CMIP: variants seen among roughly 807,000 people sequenced by gnomAD.
CMIP encodes c-Maf inducing protein.
In CMIP, 13 loss-of-function variants were observed where a neutral mutation model predicts 97.3. The observed-to-expected ratio is 0.13, with a 90% CI of 0.09 to 0.21. The LOEUF (loss-of-function observed/expected upper bound fraction) is 0.21. Ranked by LOEUF, CMIP falls within the 10% of genes least tolerant of loss-of-function variation. The probability of loss-of-function intolerance (pLI) is 1.00; values close to 1 mark genes in which losing one functional copy is unlikely to be tolerated. For missense variants in CMIP, 847 were observed against 1,024.9 expected (o/e 0.83, Z 2.37); for synonymous variants, 538 against 436.3 (o/e 1.23, Z -2.91).
At chr16:81,701,014 A>G (rs1217447174) in intron 15 of CMIP, among the ~76,000 whole-genome samples, 1 of 152,000 alleles carries the variant, frequency 6.6e-6, no homozygotes, top group East Asian at 1.9e-4. Context: ...ACTGAGCACC[A>G]TGGCATGCAC....
chr16:81,665,214 G>A (rs1423057959), intron 7 of CMIP: 2 of 152,046 alleles, frequency 1.3e-5, no homozygotes, highest in African/African-American at 4.8e-5. Context: ...TGTAATCTGT[G>A]TGGCCCCTTG....
intron 13 of CMIP, among the ~76,000 whole-genome samples, chr16:81,694,640 AG>A (rs1906491584): frequency 6.6e-6 from 1 of 152,214 alleles, no homozygotes. Context: ...CTTGTTCAAA[AG>A]GCAGACCCCC....
At chr16:81,645,504 A>G in intron 3 of CMIP, 2 of 1,535,684 alleles carry the variant, frequency 1.3e-6, no homozygotes, top group Non-Finnish European at 8.7e-7. Context: ...TCTCCCGTGG[A>G]GGAGCAACAG....
At chr16:81,600,890 C>G (rs988557581) in intron 1 of CMIP, among the ~76,000 whole-genome samples, 10 of 152,220 alleles carry the variant, frequency 6.6e-5, no homozygotes, top group African/African-American at 2.2e-4. Context: ...TTGCTGTTGA[C>G]TGTCTAAGCA....
chr16:81,677,143 C>T lies in CMIP; in HGVS notation c.1035-1132C>T, dbSNP rs561860628. ...GGAGAGCTTTGGTTTAGGAGGAGTT[C>T]GAGGGTAGGAAGGGCAAGAGTAGCA... On this transcript the variant is annotated intron_variant, in intron 9 of 20. Transcript: ENST00000537098. Among the ~76,000 whole-genome samples, 24 of 151,990 alleles carry T rather than the reference C, an allele frequency of 1.6e-4. No individual in the cohort carries two copies. The South Asian group carries it at 3.1e-3, about 20-fold the overall frequency.
intron 1 of CMIP, among the ~76,000 whole-genome samples, chr16:81,484,443 C>T (rs577145954): frequency 1.2e-4 from 18 of 152,244 alleles, no homozygotes; most frequent in South Asian, 1.0e-3. Context: ...GGGCGCCGAA[C>T]GCAGGGTGTT....
chr16:81,456,954 C>T (rs1207692440), intron 1 of CMIP, among the ~76,000 whole-genome samples: 1 of 152,154 alleles, frequency 6.6e-6, no homozygotes. Context: ...CTCACCTGCC[C>T]TCGTTGAACC....
intron 1 of CMIP, among the ~76,000 whole-genome samples, chr16:81,562,790 C>G (rs564882691): frequency 6.6e-6 from 1 of 152,060 alleles, no homozygotes; most frequent in Non-Finnish European, 1.5e-5. Flanking sequence ...TATTTTTTTT[C>G]ATTTTTCAAA....
chr16:81,580,452 G>T (rs1411695641), intron 1 of CMIP, among the ~76,000 whole-genome samples: 1 of 151,012 alleles, frequency 6.6e-6, no homozygotes, highest in East Asian at 2.0e-4. Context: ...TTTTATTTTT[G>T]AAATGGAGTC....
intron 2 of CMIP, chr16:81,618,777 C>G (rs1436338199): frequency 6.6e-6 from 1 of 152,290 alleles, no homozygotes; most frequent in African/African-American, 2.4e-5. Flanking sequence ...CAGCACAGAC[C>G]TGGCCGTGGC....
chr16:81,543,759 T>G (rs1283542923), intron 1 of CMIP, among the ~76,000 whole-genome samples: 1 of 152,226 alleles, frequency 6.6e-6, no homozygotes, highest in Non-Finnish European at 1.5e-5. Flanking sequence ...AGAGAAATTT[T>G]TATTTGGCTC....
At chr16:81,464,191 G>C (rs1306099519) in intron 1 of CMIP, 2 of 152,302 alleles carry the variant, frequency 1.3e-5, no homozygotes, top group African/African-American at 4.8e-5. Context: ...GGTGAGAAAA[G>C]GAGTCTCCCA....
intron 13 of CMIP, among the ~76,000 whole-genome samples, chr16:81,694,507 T>G (rs941285397): frequency 4.6e-5 from 7 of 152,206 alleles, no homozygotes; most frequent in Non-Finnish European, 1.0e-4. Context: ...TGAGGACACA[T>G]GGACACCAAG....
chr16:81,711,613 A>G lies in CMIP; in HGVS notation c.*1814A>G, dbSNP rs1908786064. The G allele has an allele frequency of 3.3e-5, 1 of 30,434 alleles. No individual in the cohort carries two copies. 1.9% of individuals were successfully genotyped at this position (30,434 alleles called of 1,614,324 possible). On this transcript the variant is annotated 3_prime_UTR_variant, in exon 21 of 21. Coordinates refer to ENST00000537098, the MANE Select transcript of CMIP (RefSeq NM_198390.3). ...AAATAAATAAAAATAAAAAAAATAA[A>G]AAAGGAAAAAAAAAAAAGAAGAAAC... is the stretch of plus-strand genomic sequence containing the variant.
intron 2 of CMIP, chr16:81,610,162 G>A (rs1035430860): frequency 2.0e-5 from 5 of 249,484 alleles, no homozygotes; most frequent in Non-Finnish European, 2.5e-5. Flanking sequence ...AGCATCACTC[G>A]CCACAGGGAT....
chr16:81,676,950 A>G (rs1452155407), intron 9 of CMIP, among the ~76,000 whole-genome samples: 2 of 152,152 alleles, frequency 1.3e-5, no homozygotes, highest in African/African-American at 2.4e-5. Flanking sequence ...GCTGTTTTCA[A>G]TCGTGCCGTT....
rs2092441857 is a variant in CMIP, at chr16:81,652,694, T to C, written c.639+330T>C. On this transcript the variant is annotated intron_variant, in intron 4 of 20. Coordinates refer to ENST00000537098, the MANE Select transcript of CMIP (RefSeq NM_198390.3). The surrounding 1 kb of genome is among the most constrained non-coding windows in gnomAD (Gnocchi z 5.2). The stretch of plus-strand genomic sequence containing the variant: ...CTCCAGGGGTCCAGGGGGATTCAGC[T>C]TTCTGCCCTCGTCACCCCACAAAGC... Among the ~76,000 whole-genome samples, 1 of 152,180 alleles carries C rather than the reference T, an allele frequency of 6.6e-6. No homozygotes were observed. The highest frequency in any genetic ancestry group is 1.5e-5 in the Non-Finnish European group (1 of 68,026).
chr16:81,493,951 G>A (rs2089446865), intron 1 of CMIP, among the ~76,000 whole-genome samples: 1 of 152,196 alleles, frequency 6.6e-6, no homozygotes, highest in South Asian at 2.1e-4. Context: ...GGAAGTCTTA[G>A]GGAAGATGAC....
chr16:81,668,850 T>C lies in CMIP; in HGVS notation c.826-1292T>C, dbSNP rs185426941. ...ACTGCCTTCCACACCCACCTCACAC[T>C]CACTGCCTTCCACACCCACCTCACA... On this transcript the variant is annotated intron_variant, in intron 7 of 20. Transcript: ENST00000537098. Among the ~76,000 whole-genome samples, 15 of 120,896 alleles carry C rather than the reference T, an allele frequency of 1.2e-4. No individual in the cohort carries two copies. In the East Asian group the frequency reaches 3.9e-3, roughly 31 times the overall value. 79.3% of individuals were successfully genotyped at this position (120,896 alleles called of 152,430 possible). A position where few individuals can be genotyped will look rare whatever the true frequency, so the allele number is the denominator to read the frequency against.
Sources: gnomAD v4.1 joint callset for allele counts (sites outside exome capture counted in the v4.1 genomes callset) on GRCh38, gnomAD v4.1.1 for gene constraint, Gnocchi (gnomAD v3.1) non-coding constraint, MANE v1.5 for transcripts, NCBI Gene and HGNC (gene_info 2026-07-23, HGNC 2026-07-21) for gene names.